Variants in MLIP observed in about 807,000 individuals in gnomAD.
MLIP encodes muscular LMNA interacting protein, also known as muscular LMNA-interacting protein.
MLIP carries 79 observed loss-of-function variants against 84.8 expected under a neutral mutation model. That is an observed-to-expected ratio of 0.93 (90% CI 0.78 to 1.12). The LOEUF (loss-of-function observed/expected upper bound fraction) is 1.12, where lower values mean the gene tolerates loss of function less well. Among genes scored for constraint, MLIP ranks in the 50% most tolerant of loss-of-function variants. MLIP has a pLI of 0.00. For missense variants in MLIP, 1,257 were observed against 1,160.6 expected (o/e 1.08, Z -1.21); for synonymous variants, 504 against 463.0 (o/e 1.09, Z -1.14).
At chr6:54,127,939 G>A (rs575792435) in intron 3 of MLIP, among the ~76,000 whole-genome samples, 54 of 152,224 alleles carry the variant, frequency 3.5e-4, no homozygotes, top group Non-Finnish European at 5.4e-4. Flanking sequence ...TTAGAGTTAC[G>A]GGAGAGGTGA....
chr6:54,231,514 C>G (rs1781000952), intron 12 of MLIP, among the ~76,000 whole-genome samples: 1 of 151,800 alleles, frequency 6.6e-6, no homozygotes, highest in South Asian at 2.1e-4. Flanking sequence ...TGATACAAAA[C>G]AAGTAAAAAA....
intron 1 of MLIP, among the ~76,000 whole-genome samples, chr6:54,084,368 G>A (rs1479334662): frequency 6.6e-6 from 1 of 152,104 alleles, no homozygotes; most frequent in Non-Finnish European, 1.5e-5. Flanking sequence ...CACATTTACT[G>A]CTGGGTGTGT....
chr6:54,103,024 A>G (rs554496583), intron 1 of MLIP, among the ~76,000 whole-genome samples: 5 of 152,250 alleles, frequency 3.3e-5, no homozygotes, highest in African/African-American at 9.6e-5. Context: ...GTAAATTAAA[A>G]TATTCACCAT....
chr6:54,158,026 T>C (rs577754993), intron 5 of MLIP, among the ~76,000 whole-genome samples: 2 of 152,228 alleles, frequency 1.3e-5, no homozygotes, highest in Non-Finnish European at 2.9e-5. Context: ...ATTTTATCTT[T>C]TAAAGTCACT....
chr6:54,033,470 T>C (rs940193191), intron 1 of MLIP, among the ~76,000 whole-genome samples: 1 of 152,096 alleles, frequency 6.6e-6, no homozygotes, highest in Admixed American at 6.5e-5. Context: ...TTTCACAATG[T>C]TGGACAGGCT....
chr6:54,098,826 T>C (rs760949710), intron 1 of MLIP, among the ~76,000 whole-genome samples: 105 of 152,190 alleles, frequency 6.9e-4, no homozygotes, highest in Non-Finnish European at 1.2e-3. Context: ...GTAACTCATG[T>C]AACCACAACC....
intron 10 of MLIP, among the ~76,000 whole-genome samples, chr6:54,193,970 C>T (rs1417058197): frequency 1.3e-5 from 2 of 152,130 alleles, no homozygotes; most frequent in Non-Finnish European, 2.9e-5. Flanking sequence ...GTTTAGATGA[C>T]ATTTGCCTTT....
intron 11 of MLIP, 72 bp downstream of exon 11, chr6:54,202,305 T>G (rs12180409): frequency 1.3e-6 from 1 of 770,034 alleles, no homozygotes; most frequent in African/African-American, 1.9e-5. Flanking sequence ...TATAAATATA[T>G]AAATATATTT....
intron 5 of MLIP, 125 bp downstream of exon 5, chr6:54,149,252 C>A: frequency 1.2e-6 from 1 of 842,346 alleles, no homozygotes; most frequent in Non-Finnish European, 1.9e-6. Flanking sequence ...ACATTCCATT[C>A]TTAGTTTAGG....
At chr6:54,054,400 C>T (rs1765531097) in intron 1 of MLIP, among the ~76,000 whole-genome samples, 2 of 136,426 alleles carry the variant, frequency 1.5e-5, no homozygotes, top group Admixed American at 8.1e-5. Flanking sequence ...TACTTTCTTT[C>T]GTGTATTAAG....
At chr6:54,160,344 A>G in intron 5 of MLIP, 23 bp from the exon 6 acceptor site, 1 of 1,602,730 alleles carries the variant, frequency 6.2e-7, no homozygotes, top group South Asian at 1.1e-5. Context: ...GCCTCATATA[A>G]GAACTATTTC....
chr6:54,099,005 G>T (rs1011972904), intron 1 of MLIP, among the ~76,000 whole-genome samples: 1 of 152,064 alleles, frequency 6.6e-6, no homozygotes, highest in Non-Finnish European at 1.5e-5. Context: ...AATATCCAAA[G>T]ATTTCTTTAA....
intron 12 of MLIP, among the ~76,000 whole-genome samples, chr6:54,247,184 A>C (rs1483363811): frequency 2.6e-5 from 4 of 152,156 alleles, no homozygotes; most frequent in African/African-American, 9.7e-5. Context: ...ATCGTAGGCA[A>C]ATTTGGCAGT....
chr6:54,082,187 T>A (rs1767201528), intron 1 of MLIP, among the ~76,000 whole-genome samples: 1 of 152,212 alleles, frequency 6.6e-6, no homozygotes, highest in Non-Finnish European at 1.5e-5. Context: ...GGTAATTTAT[T>A]TCTTTGTACT....
chr6:54,132,725 A>G (rs77221897), intron 3 of MLIP, among the ~76,000 whole-genome samples: 2,375 of 152,266 alleles, frequency 0.016, 76 homozygotes, highest in African/African-American at 0.053. Context: ...AGCTGAGACT[A>G]TAGACATTGA....
At chr6:54,034,899 C>T (rs1278310659) in intron 1 of MLIP, among the ~76,000 whole-genome samples, 1 of 152,098 alleles carries the variant, frequency 6.6e-6, no homozygotes, top group East Asian at 1.9e-4. Context: ...ATGGTAAATG[C>T]CCTATACAGG....
At chr6:54,245,549 C>G (rs1782022400) in intron 12 of MLIP, among the ~76,000 whole-genome samples, 1 of 152,092 alleles carries the variant, frequency 6.6e-6, no homozygotes, top group South Asian at 2.1e-4. Flanking sequence ...CATTATTAAC[C>G]CTGAAATGTA....
chr6:54,210,874 A>T (rs889120889), intron 11 of MLIP, among the ~76,000 whole-genome samples: 7 of 152,124 alleles, frequency 4.6e-5, no homozygotes, highest in Non-Finnish European at 7.3e-5. Flanking sequence ...TCTCTTGAAA[A>T]TAAAAAACTA....
intron 12 of MLIP, among the ~76,000 whole-genome samples, chr6:54,242,687 G>T (rs935980376): frequency 1.3e-5 from 2 of 152,106 alleles, no homozygotes; most frequent in African/African-American, 4.8e-5. Context: ...TCTAATATAT[G>T]CTGTAAATAT....
Sources: allele counts gnomAD v4.1 joint callset (sites outside exome capture counted in the v4.1 genomes callset), GRCh38; gene constraint gnomAD v4.1.1; transcripts MANE v1.5; gene names NCBI Gene and HGNC (gene_info 2026-07-23, HGNC 2026-07-21).